The following L3MBTL3 variants were observed in gnomAD, a reference collection of about 807,000 sequenced individuals.
L3MBTL3 encodes L3MBTL histone methyl-lysine binding protein 3.
In L3MBTL3, 27 loss-of-function variants were observed where a neutral mutation model predicts 102.3. The observed-to-expected ratio is 0.26, with a 90% confidence interval of 0.19 to 0.36. The LOEUF is 0.36. L3MBTL3 is among the 10% of genes least tolerant of loss of function. The probability of loss-of-function intolerance (pLI) is 1.00; values close to 1 mark genes in which losing one functional copy is unlikely to be tolerated. For missense variants in L3MBTL3, 798 were observed against 955.3 expected, an observed-to-expected ratio of 0.84 and a Z score of 2.17; for synonymous variants, 340 against 320.9, an observed-to-expected ratio of 1.06 and a Z score of -0.64.
intron 19 of L3MBTL3, among the ~76,000 whole-genome samples, chr6:130,119,255 A>G (rs1253298552): frequency 6.6e-6 from 1 of 152,212 alleles, no homozygotes; most frequent in African/African-American, 2.4e-5. Flanking sequence ...ATTTTAAGTT[A>G]TATGACTGTA....
chr6:130,138,445 G>C (rs914788620), intron 22 of L3MBTL3: 2 of 152,218 alleles, frequency 1.3e-5, no homozygotes, highest in African/African-American at 4.8e-5. Context: ...CTCTCTTTGG[G>C]TCTTTACGTT....
chr6:130,057,446 C>T lies in L3MBTL3; in HGVS notation c.708C>T (p.Ser236=). Residue 236 remains serine, a synonymous_variant, in exon 9 of 23, where the codon TCC becomes TCT. Coordinates refer to ENST00000361794, the MANE Select transcript of L3MBTL3 (RefSeq NM_032438.4). ...PKGKKAWCWA[S]YLEEEKAVAV... is the part of the protein sequence containing the mutation. ...GAAAGAAAGCGTGGTGCTGGGCATC[C>T]TACCTGGAAGAGGAGAAAGCGGTGG... 6.2e-7 allele frequency: 1 copy of T among 1,611,342 alleles called. No individual in the cohort carries two copies.
chr6:130,032,084 T>C (rs2114573078), intron 2 of L3MBTL3, among the ~76,000 whole-genome samples: 1 of 152,178 alleles, frequency 6.6e-6, no homozygotes, highest in South Asian at 2.1e-4. Flanking sequence ...GGCTGATTTT[T>C]GCATTTTCTT....
intron 20 of L3MBTL3, among the ~76,000 whole-genome samples, chr6:130,125,117 G>C (rs1453970625): frequency 2.0e-5 from 3 of 152,176 alleles, no homozygotes; most frequent in South Asian, 2.1e-4. Context: ...TGGATCTTGG[G>C]GAAGTCCCAC....
chr6:130,070,703 A>C (rs1442848410), intron 12 of L3MBTL3: 1 of 270,814 alleles, frequency 3.7e-6, no homozygotes, highest in Non-Finnish European at 6.8e-6. Flanking sequence ...ACATGTTAAA[A>C]TTAATTATTT....
intron 3 of L3MBTL3, among the ~76,000 whole-genome samples, chr6:130,046,931 T>C (rs1238498538): frequency 6.6e-6 from 1 of 152,222 alleles, no homozygotes; most frequent in Non-Finnish European, 1.5e-5. Context: ...TATCAACCTT[T>C]GTGGTCTAAC....
At chr6:130,026,820 A>G (rs1779382582) in intron 2 of L3MBTL3, among the ~76,000 whole-genome samples, 1 of 152,180 alleles carries the variant, frequency 6.6e-6, no homozygotes, top group African/African-American at 2.4e-5. Flanking sequence ...ATAAAGCATC[A>G]ATCAATGAAA....
intron 2 of L3MBTL3, among the ~76,000 whole-genome samples, chr6:130,037,921 C>T (rs999895253): frequency 5.3e-5 from 8 of 152,068 alleles, no homozygotes; most frequent in Non-Finnish European, 1.0e-4. Flanking sequence ...CAACCTTTGT[C>T]TATTGCCTCC....
rs1787054635 is a variant in L3MBTL3 at position 130,131,628 on chromosome 6, T to TAC, written c.1967-1823_1967-1822insCA. Among the ~76,000 whole-genome samples, 4 of 152,156 alleles carry TAC rather than the reference T, an allele frequency of 2.6e-5. No homozygotes were observed. The South Asian group carries it at 8.3e-4, about 32-fold the overall frequency. ...GTGAAGTGAGGATGCAAAAGTGTAT[T>TAC]AGGAAAGGAAAGGAATAAAGAATGA... On this transcript the variant is annotated intron_variant, in intron 20 of 22. Coordinates refer to ENST00000361794, the MANE Select transcript of L3MBTL3 (RefSeq NM_032438.4).
chr6:130,076,245 A>G (rs1213580268), intron 13 of L3MBTL3, among the ~76,000 whole-genome samples: 1 of 152,204 alleles, frequency 6.6e-6, no homozygotes, highest in Non-Finnish European at 1.5e-5. Flanking sequence ...GTTTTCCATA[A>G]GTAAGCATCT....
intron 13 of L3MBTL3, 104 bp from the exon 14 acceptor site, chr6:130,078,445 TAATAAATAG>T: frequency 1.5e-6 from 1 of 661,784 alleles, no homozygotes; most frequent in Non-Finnish European, 2.6e-6. Context: ...AGATTGATTG[TAATAAATAG>T]AACTCTCTGT....
At chr6:130,064,920 T>G (rs1782150380) in intron 10 of L3MBTL3, among the ~76,000 whole-genome samples, 1 of 152,172 alleles carries the variant, frequency 6.6e-6, no homozygotes, top group African/African-American at 2.4e-5. Context: ...ACTATAGGGC[T>G]GAGCTCTTAG....
chr6:130,037,965 G>C (rs1311679929), intron 2 of L3MBTL3, among the ~76,000 whole-genome samples: 2 of 150,736 alleles, frequency 1.3e-5, no homozygotes, highest in East Asian at 3.9e-4. Flanking sequence ...AGTAACCACT[G>C]TTCTATTTTC....
At position 130,072,730 on chromosome 6, in the gene L3MBTL3, A is replaced by C. The variant is rs558696719; in HGVS notation, c.1244+1603A>C. On this transcript the variant is annotated intron_variant, in intron 13 of 22. Transcript: ENST00000361794. ...TCAGTGACAGATATCAGAGCATTTC[A>C]GTATATATCTTCTAAAGAGAGGAAT... is the stretch of plus-strand genomic sequence containing the variant. Among the ~76,000 whole-genome samples the C allele has an allele frequency of 7.0e-4, 107 of 152,302 alleles. 1 individual carries two copies. The highest frequency in any genetic ancestry group is 1.5e-3 in the Non-Finnish European group (102 of 68,022).
At chr6:130,050,136 C>T (rs960724150) in intron 5 of L3MBTL3, among the ~76,000 whole-genome samples, 1 of 152,230 alleles carries the variant, frequency 6.6e-6, no homozygotes, top group African/African-American at 2.4e-5. Flanking sequence ...AGATGTCACT[C>T]TACTTCTAAT....
intron 18 of L3MBTL3, among the ~76,000 whole-genome samples, chr6:130,101,216 G>C (rs1174244530): frequency 6.6e-6 from 1 of 152,192 alleles, no homozygotes; most frequent in Non-Finnish European, 1.5e-5. Flanking sequence ...GTCATAAACA[G>C]AGTCAGGAAC....
chr6:130,108,178 A>G (rs1785100804), intron 19 of L3MBTL3, among the ~76,000 whole-genome samples: 1 of 150,474 alleles, frequency 6.6e-6, no homozygotes, highest in Non-Finnish European at 1.5e-5. Flanking sequence ...AGCTCTTGGA[A>G]TAGTGATTAA....
intron 16 of L3MBTL3, among the ~76,000 whole-genome samples, chr6:130,091,571 T>C (rs2115217956): frequency 6.6e-6 from 1 of 152,158 alleles, no homozygotes; most frequent in Admixed American, 6.6e-5. Flanking sequence ...ATAAGACATA[T>C]CTTTTCACAC....
intron 2 of L3MBTL3, among the ~76,000 whole-genome samples, chr6:130,027,748 AAAAT>A (rs1779444196): frequency 6.6e-6 from 1 of 152,242 alleles, no homozygotes; most frequent in African/African-American, 2.4e-5. Context: ...ATTATGAAGT[AAAAT>A]AAAAAAGAAC....
Sources: gnomAD v4.1 joint callset for allele counts (sites outside exome capture counted in the v4.1 genomes callset) on GRCh38, gnomAD v4.1.1 for gene constraint, MANE v1.5 for transcripts, NCBI Gene and HGNC (gene_info 2026-07-23, HGNC 2026-07-21) for gene names.